Variants in NAV3 observed in about 807,000 individuals in gnomAD.
NAV3 encodes the protein pore membrane and/or filament interacting like protein 1.
NAV3 carries 87 observed loss-of-function variants against 244.7 expected under a neutral mutation model. The ratio of observed to expected loss-of-function variants is 0.36; its 90% CI spans 0.30 to 0.42. The LOEUF (loss-of-function observed/expected upper bound fraction) is 0.42, where lower values mean the gene tolerates loss of function less well. NAV3 is among the 20% of genes least tolerant of loss of function. NAV3 has a pLI of 1.00. For synonymous variants in NAV3, 1,126 were observed against 1,042.2 expected (o/e 1.08, Z -1.55); for missense variants, 2,663 against 2,893.3 (o/e 0.92, Z 1.83).
At chr12:77,904,069 T>C (rs1457670373) in intron 1 of NAV3, among the ~76,000 whole-genome samples, 2 of 152,102 alleles carry the variant, frequency 1.3e-5, no homozygotes, top group Non-Finnish European at 2.9e-5. Context: ...AGTTCAACCA[T>C]TGTGGAAGTC....
chr12:78,165,762 A>G (rs1364351405), intron 23 of NAV3, among the ~76,000 whole-genome samples: 1 of 151,838 alleles, frequency 6.6e-6, no homozygotes, highest in African/African-American at 2.4e-5. Context: ...TCTATGTATC[A>G]GTTAAGTTTT....
intron 2 of NAV3, among the ~76,000 whole-genome samples, chr12:77,766,240 G>A (rs1446331082): frequency 6.6e-6 from 1 of 152,184 alleles, no homozygotes; most frequent in Non-Finnish European, 1.5e-5. Flanking sequence ...ACAGGAAATA[G>A]AAGAAATTAT....
intron 1 of NAV3, among the ~76,000 whole-genome samples, chr12:77,918,527 A>C (rs1445944433): frequency 6.6e-6 from 1 of 152,066 alleles, no homozygotes; most frequent in African/African-American, 2.4e-5. Context: ...AAAACCATTT[A>C]TTCACAATTT....
intron 2 of NAV3, among the ~76,000 whole-genome samples, chr12:77,622,849 T>A (rs536557789): frequency 6.6e-6 from 1 of 152,314 alleles, no homozygotes; most frequent in South Asian, 2.1e-4. Context: ...AGTAAGGACA[T>A]TATCTGGTGT....
intron 22 of NAV3, among the ~76,000 whole-genome samples, chr12:78,156,236 CA>C (rs978252527): frequency 2.6e-5 from 4 of 152,104 alleles, no homozygotes; most frequent in Admixed American, 2.0e-4. Flanking sequence ...CTACCAGCAC[CA>C]TTTATTAATT....
chr12:77,623,750 T>A (rs1446089432), intron 2 of NAV3, among the ~76,000 whole-genome samples: 1 of 152,172 alleles, frequency 6.6e-6, no homozygotes. Context: ...CTTATCAGTA[T>A]GATAAAGACG....
chr12:78,087,597 C>G (rs1025116606), intron 12 of NAV3, among the ~76,000 whole-genome samples: 1 of 151,972 alleles, frequency 6.6e-6, no homozygotes, highest in Non-Finnish European at 1.5e-5. Context: ...GTGTTATAAT[C>G]TAGCAATGGT....
intron 2 of NAV3, among the ~76,000 whole-genome samples, chr12:77,612,795 GAA>G (rs2136826770): frequency 6.6e-6 from 1 of 152,200 alleles, no homozygotes; most frequent in African/African-American, 2.4e-5. Flanking sequence ...ATCTCATCTT[GAA>G]TTGTAGTTAC....
intron 3 of NAV3, among the ~76,000 whole-genome samples, chr12:77,963,873 TTCCTTCCTTC>T (rs1565965315): frequency 9.2e-5 from 3 of 32,536 alleles, no homozygotes; most frequent in African/African-American, 2.9e-4. Flanking sequence ...CCCTCCCTCC[TTCCTTCCTTC>T]TCCTTCCTTC....
chr12:77,916,034 G>T (rs1479690369), intron 1 of NAV3, among the ~76,000 whole-genome samples: 1 of 152,052 alleles, frequency 6.6e-6, no homozygotes, highest in African/African-American at 2.4e-5. Flanking sequence ...ATTGCAATGG[G>T]AAGAGGCTGT....
chr12:78,178,437 A>G (rs1215792039), intron 28 of NAV3, among the ~76,000 whole-genome samples: 1 of 152,092 alleles, frequency 6.6e-6, no homozygotes, highest in African/African-American at 2.4e-5. Flanking sequence ...CTGGGATTAC[A>G]GGTGCGAGCC....
At chr12:77,811,706 T>G (rs1428926606) in intron 2 of NAV3, among the ~76,000 whole-genome samples, 1 of 152,084 alleles carries the variant, frequency 6.6e-6, no homozygotes, top group Non-Finnish European at 1.5e-5. Flanking sequence ...GTTGGAATTG[T>G]CAAGGAAGGT....
chr12:77,961,093 CATGTATACGCATATATGTAATATAATAA>C (rs1891903999), intron 3 of NAV3, among the ~76,000 whole-genome samples: 1 of 143,746 alleles, frequency 7.0e-6, no homozygotes. Flanking sequence ...GTATATGTTA[CATGTATACGCATATATGTAATATAATAA>C]ATATATACTT....
rs1955578513 is a variant in NAV3 at position 78,119,602 on chromosome 12, C to T, written c.3406C>T (p.Arg1136Cys). 2.5e-6 allele frequency: 4 copies of T among 1,614,138 alleles called. No individual in the cohort carries two copies. The highest frequency in any genetic ancestry group is 3.4e-6 in the Non-Finnish European group (4 of 1,180,018). The change falls in exon 15 of 40, where the codon CGC (arginine) becomes TGC (cysteine). Residue 1136 changes from arginine to cysteine, a missense_variant. By Grantham distance (180) the Arg-to-Cys change is radical. Around this residue, in one of 6 missense-constraint regions of NAV3, gnomAD observed 1,521 missense variants for 1,497.0 expected, o/e 1.02. Coordinates refer to ENST00000397909, the MANE Select transcript of NAV3 (RefSeq NM_001024383.2). ...HVSSKTTLQY[R>C]SLPRPSKSST... is the part of the protein sequence containing the mutation. ...TAGCTCAAAGACTACCCTACAATAT[C>T]GCAGCTTGCCCCGCCCTTCAAAATC... is the stretch of plus-strand genomic sequence containing the variant.
chr12:77,771,619 T>C (rs1870092501), intron 2 of NAV3, among the ~76,000 whole-genome samples: 1 of 152,176 alleles, frequency 6.6e-6, no homozygotes, highest in Admixed American at 6.5e-5. Flanking sequence ...TGTAGGGACA[T>C]GGATGAAACT....
intron 2 of NAV3, among the ~76,000 whole-genome samples, chr12:77,670,828 A>G (rs771449892): frequency 6.6e-6 from 1 of 152,136 alleles, no homozygotes; most frequent in East Asian, 1.9e-4. Flanking sequence ...CACAGACAAC[A>G]TTATACTGAA....
chr12:78,004,045 G>GGAAAGAA (rs1187565055), intron 7 of NAV3, among the ~76,000 whole-genome samples: 1 of 152,144 alleles, frequency 6.6e-6, no homozygotes, highest in African/African-American at 2.4e-5. Context: ...GTAAACATGT[G>GGAAAGAA]GAAAGAAGAG....
At chr12:77,999,752 A>T (rs1239488602) in intron 7 of NAV3, among the ~76,000 whole-genome samples, 1 of 152,136 alleles carries the variant, frequency 6.6e-6, no homozygotes, top group Non-Finnish European at 1.5e-5. Context: ...CTGAAGACTT[A>T]TACTCTTCCT....
intron 12 of NAV3, among the ~76,000 whole-genome samples, chr12:78,078,034 G>A (rs1953140442): frequency 6.6e-6 from 1 of 150,714 alleles, no homozygotes. Context: ...TGAGGGCCAC[G>A]AGTGAGGGAT....
Sources: allele counts gnomAD v4.1 joint callset (sites outside exome capture counted in the v4.1 genomes callset), GRCh38; gene constraint gnomAD v4.1.1; regional missense constraint gnomAD v4.1.1; transcripts MANE v1.5; gene names NCBI Gene and HGNC (gene_info 2026-07-23, HGNC 2026-07-21).